Variants in TAB2 observed in about 807,000 individuals in gnomAD.
The protein encoded by TAB2 is TGF-beta activated kinase 1 (MAP3K7) binding protein 2, also known as TGF-beta-activated kinase 1 and MAP3K7-binding protein 2.
TAB2 carries 3 observed loss-of-function variants against 65.0 expected under a neutral mutation model. The observed-to-expected ratio is 0.05, with a 90% CI of 0.02 to 0.12. The LOEUF is 0.12. Ranked by LOEUF, TAB2 falls within the 10% of genes least tolerant of loss-of-function variation. The pLI is 1.00. For synonymous variants in TAB2, 298 were observed against 285.1 expected, an observed-to-expected ratio of 1.05 and a Z score of -0.46; for missense variants, 623 against 840.3, an observed-to-expected ratio of 0.74 and a Z score of 3.20.
At chr6:149,355,260 A>G (rs898690944) in intron 1 of TAB2, among the ~76,000 whole-genome samples, 4 of 152,172 alleles carry the variant, frequency 2.6e-5, no homozygotes, top group East Asian at 1.9e-4. Flanking sequence ...TGAGGTTTTA[A>G]TAAGTTTTAA....
At chr6:149,326,731 A>G (rs1779632755) in intron 1 of TAB2, among the ~76,000 whole-genome samples, 1 of 152,046 alleles carries the variant, frequency 6.6e-6, no homozygotes, top group Admixed American at 6.6e-5. Flanking sequence ...TATTTTTAGT[A>G]AAGACAGGGT....
chr6:149,400,549 T>C (rs1193420645), intron 6 of TAB2: 4 of 1,614,114 alleles, frequency 2.5e-6, no homozygotes, highest in Non-Finnish European at 3.4e-6. Flanking sequence ...CCACGGGGAT[T>C]GTCAGTGAAG....
At chr6:149,392,387 C>G (rs138531438) in intron 3 of TAB2, among the ~76,000 whole-genome samples, 1 of 152,300 alleles carries the variant, frequency 6.6e-6, no homozygotes, top group African/African-American at 2.4e-5. Context: ...AATGATCCAC[C>G]TGCCTTCATA....
chr6:149,311,447 T>C (rs1178014093), intron 1 of TAB2, among the ~76,000 whole-genome samples: 1 of 152,246 alleles, frequency 6.6e-6, no homozygotes, highest in African/African-American at 2.4e-5. Flanking sequence ...TTGCCATTAA[T>C]AGTTGTTTGA....
chr6:149,304,251 T>C (rs1779019281), intron 1 of TAB2: 1 of 152,634 alleles, frequency 6.6e-6, no homozygotes, highest in African/African-American at 2.4e-5. Flanking sequence ...TCTAAGGTTA[T>C]GGTACTCTTG....
rs77970861 is a variant in TAB2, at chr6:149,381,078, A to C, written c.1603+1560A>C. ...ACCACTGCACTCCAGCGTGGGCAACATATCGAGATCCCTATCTCAAAAATA... is the reference window on the plus strand; with the variant it reads ...ACCACTGCACTCCAGCGTGGGCAACCTATCGAGATCCCTATCTCAAAAATA... On this transcript the variant is annotated intron_variant, in intron 3 of 6. Transcript: ENST00000637181. 3.0e-3 allele frequency among the ~76,000 whole-genome samples: 454 copies of C among 152,330 alleles called. 3 individuals carry two copies. The highest frequency in any genetic ancestry group is 4.4e-3 in the Non-Finnish European group (301 of 68,030).
chr6:149,364,186 A>G (rs1281047470), intron 1 of TAB2, among the ~76,000 whole-genome samples: 1 of 152,012 alleles, frequency 6.6e-6, no homozygotes, highest in Non-Finnish European at 1.5e-5. Context: ...CTTTTTCCAT[A>G]CAATAGCCGT....
chr6:149,270,827 C>T (rs1778347761), intron 1 of TAB2, among the ~76,000 whole-genome samples: 1 of 151,986 alleles, frequency 6.6e-6, no homozygotes, highest in South Asian at 2.1e-4. Context: ...TTTTTTGGAT[C>T]TAGAGGAAGT....
At chr6:149,373,175 A>C (rs1781286044) in intron 2 of TAB2, among the ~76,000 whole-genome samples, 1 of 152,102 alleles carries the variant, frequency 6.6e-6, no homozygotes, top group Non-Finnish European at 1.5e-5. Flanking sequence ...TTTAAAGTTG[A>C]TTTTTATATT....
intron 3 of TAB2, among the ~76,000 whole-genome samples, chr6:149,396,001 T>C (rs1047359320): frequency 6.6e-6 from 1 of 152,166 alleles, no homozygotes; most frequent in African/African-American, 2.4e-5. Context: ...CCTTCTGGAA[T>C]TCTTTTCTCT....
chr6:149,352,738 T>C (rs1035500433), intron 1 of TAB2, among the ~76,000 whole-genome samples: 7 of 152,188 alleles, frequency 4.6e-5, no homozygotes, highest in Non-Finnish European at 8.8e-5. Context: ...GCAGTTGTCT[T>C]GAGAGGGCTC....
chr6:149,311,013 C>T (rs2114712049), intron 1 of TAB2, among the ~76,000 whole-genome samples: 1 of 152,286 alleles, frequency 6.6e-6, no homozygotes, highest in African/African-American at 2.4e-5. Flanking sequence ...TCCATGGTCT[C>T]CCTACTTTCT....
At chr6:149,386,350 G>C (rs1265793142) in intron 3 of TAB2, among the ~76,000 whole-genome samples, 3 of 152,016 alleles carry the variant, frequency 2.0e-5, no homozygotes, top group Non-Finnish European at 4.4e-5. Context: ...TCAGTTTTTA[G>C]TTTATTCACT....
intron 1 of TAB2, among the ~76,000 whole-genome samples, chr6:149,238,382 C>G (rs535069115): frequency 1.9e-4 from 29 of 152,142 alleles, no homozygotes; most frequent in Non-Finnish European, 3.2e-4. Context: ...AGAGGAGACA[C>G]AGGGTGGGCT....
At chr6:149,350,670 A>C (rs1346275851) in intron 1 of TAB2, among the ~76,000 whole-genome samples, 2 of 132,840 alleles carry the variant, frequency 1.5e-5, no homozygotes, top group Non-Finnish European at 3.1e-5. Context: ...GCTGGAGTGC[A>C]GTGGCACAAT....
chr6:149,378,302 A>G lies in TAB2; in HGVS notation c.387A>G (p.Ala129=), dbSNP rs1364193495. The change falls in exon 3 of 7, where the codon GCA becomes GCG. Residue 129 remains alanine, a synonymous_variant. Transcript: ENST00000637181. ...SELFQQEPQT[A]PAQVPQGFNV... is the part of the protein sequence containing the mutation. ...TATTTCAGCAGGAGCCACAGACAGC[A>G]CCAGCTCAAGTTCCTCAAGGCTTTA... The G allele has an allele frequency of 1.2e-6, 2 of 1,614,106 alleles. No homozygotes were observed. Among genetic ancestry groups the G allele is most frequent in the African/African-American group, 2.7e-5 (2 of 74,932 alleles).
At chr6:149,228,861 G>GCATGCATGTGTGTGTGTGAGTGCA in intron 1 of TAB2, among the ~76,000 whole-genome samples, 1 of 152,110 alleles carries the variant, frequency 6.6e-6, no homozygotes, top group Non-Finnish European at 1.5e-5. Context: ...ATGTGTGTGC[G>GCATGCATGTGTGTGTGTGAGTGCA]TGCATGCATG....
chr6:149,283,542 T>G (rs1778614242), intron 1 of TAB2, among the ~76,000 whole-genome samples: 1 of 152,008 alleles, frequency 6.6e-6, no homozygotes, highest in African/African-American at 2.4e-5. Flanking sequence ...AAACCCCGTC[T>G]CTACTAAAAA....
chr6:149,293,407 G>A (rs1778812778), intron 1 of TAB2, among the ~76,000 whole-genome samples: 1 of 152,184 alleles, frequency 6.6e-6, no homozygotes, highest in African/African-American at 2.4e-5. Context: ...GTCATCTCCA[G>A]TAAGCTGTCA....
Sources: allele counts gnomAD v4.1 joint callset (sites outside exome capture counted in the v4.1 genomes callset), GRCh38; gene constraint gnomAD v4.1.1; transcripts MANE v1.5; gene names NCBI Gene and HGNC (gene_info 2026-07-23, HGNC 2026-07-21).